Variants in NKAIN2 observed in about 807,000 individuals in gnomAD.
NKAIN2 encodes the protein sodium/potassium-transporting ATPase subunit beta-1-interacting protein 2.
Under a neutral mutation model 32.6 loss-of-function variants are expected in NKAIN2, and 14 were observed. The observed-to-expected ratio is 0.43, with a 90% CI of 0.28 to 0.67. The LOEUF (loss-of-function observed/expected upper bound fraction) is 0.67. NKAIN2 is among the 30% of genes least tolerant of loss of function. The probability of loss-of-function intolerance (pLI) is 0.17; values close to 1 mark genes in which losing one functional copy is unlikely to be tolerated. For missense variants in NKAIN2, 198 were observed against 258.3 expected (o/e 0.77, Z 1.60); for synonymous variants, 80 against 87.2 (o/e 0.92, Z 0.46).
Position 124,006,854 on chromosome 6 carries a change from T to C in NKAIN2, c.54+202600T>C, listed in dbSNP as rs138424792. Among the ~76,000 whole-genome samples the C allele has an allele frequency of 3.9e-3, 599 of 152,288 alleles. 2 individuals are homozygous for C. Among genetic ancestry groups the C allele is most frequent in the African/African-American group, 0.014 (566 of 41,562 alleles). On this transcript the variant is annotated intron_variant, in intron 1 of 6. Transcript: ENST00000368417. Reference sequence around the variant, plus strand: ...ATTATCAGAAGAGTGGTGTGGCCTGTTGAAGTAAACAAAAGTAATTTCATT... The same window carrying C: ...ATTATCAGAAGAGTGGTGTGGCCTGCTGAAGTAAACAAAAGTAATTTCATT...
intron 1 of NKAIN2, among the ~76,000 whole-genome samples, chr6:124,260,368 T>G (rs1794185093): frequency 6.6e-6 from 1 of 152,206 alleles, no homozygotes. Context: ...AAGTTTGGAA[T>G]GTGTGGTCAA....
At chr6:124,600,954 T>C (rs1395722502) in intron 3 of NKAIN2, among the ~76,000 whole-genome samples, 1 of 152,080 alleles carries the variant, frequency 6.6e-6, no homozygotes, top group Non-Finnish European at 1.5e-5. Flanking sequence ...ATGCCATTAC[T>C]ACTGGTGTCT....
chr6:124,645,615 C>G (rs1411093105), intron 3 of NKAIN2, among the ~76,000 whole-genome samples: 1 of 152,114 alleles, frequency 6.6e-6, no homozygotes, highest in Non-Finnish European at 1.5e-5. Context: ...GCCCCATCAT[C>G]TTATGTGAGA....
At chr6:124,395,115 A>G (rs1244752345) in intron 3 of NKAIN2, among the ~76,000 whole-genome samples, 1 of 152,152 alleles carries the variant, frequency 6.6e-6, no homozygotes, top group Non-Finnish European at 1.5e-5. Flanking sequence ...ACAAAATTAA[A>G]CATAAAATAG....
intron 4 of NKAIN2, among the ~76,000 whole-genome samples, chr6:124,763,188 A>G (rs534341069): frequency 6.6e-6 from 1 of 152,348 alleles, no homozygotes; most frequent in African/African-American, 2.4e-5. Flanking sequence ...ACTTTTAGTT[A>G]GACAGAAGGA....
At chr6:123,936,546 A>G (rs572860772) in intron 1 of NKAIN2, among the ~76,000 whole-genome samples, 22 of 152,280 alleles carry the variant, frequency 1.4e-4, no homozygotes, top group Middle Eastern at 3.4e-3. Context: ...CAAAAGTTAT[A>G]TATCTATAAT....
intron 4 of NKAIN2, among the ~76,000 whole-genome samples, chr6:124,789,991 A>T (rs1779671882): frequency 6.6e-6 from 1 of 152,036 alleles, no homozygotes; most frequent in Non-Finnish European, 1.5e-5. Context: ...GGATCTAAAA[A>T]CAAAAGCGTT....
At chr6:123,928,730 A>C (rs1191849302) in intron 1 of NKAIN2, among the ~76,000 whole-genome samples, 1 of 152,194 alleles carries the variant, frequency 6.6e-6, no homozygotes, top group South Asian at 2.1e-4. Context: ...AGTCTACTGT[A>C]TGAATCAGTA....
At chr6:124,234,302 A>C (rs1250934716) in intron 1 of NKAIN2, among the ~76,000 whole-genome samples, 2 of 152,152 alleles carry the variant, frequency 1.3e-5, no homozygotes, top group Non-Finnish European at 2.9e-5. Context: ...TTCCAGGAAA[A>C]TAATCTAATT....
At chr6:124,354,514 G>A (rs1370100949) in intron 2 of NKAIN2, among the ~76,000 whole-genome samples, 1 of 152,116 alleles carries the variant, frequency 6.6e-6, no homozygotes, top group Non-Finnish European at 1.5e-5. Context: ...AAATAAGAAG[G>A]TGAATGGAGA....
chr6:124,360,888 C>T (rs964735017), intron 3 of NKAIN2, among the ~76,000 whole-genome samples: 5 of 152,100 alleles, frequency 3.3e-5, no homozygotes, highest in Non-Finnish European at 5.9e-5. Flanking sequence ...TGTCTGGTAA[C>T]GGTTTGAAAT....
chr6:123,810,078 T>C (rs76327001), intron 1 of NKAIN2, among the ~76,000 whole-genome samples: 10,955 of 152,016 alleles, frequency 0.072, 839 homozygotes, highest in African/African-American at 0.2. Context: ...TGTTTTTTTT[T>C]CCCCCCACTG....
chr6:124,575,105 G>A (rs539151013), intron 3 of NKAIN2, among the ~76,000 whole-genome samples: 1 of 152,242 alleles, frequency 6.6e-6, no homozygotes, highest in South Asian at 2.1e-4. Flanking sequence ...TTTCTGAAAA[G>A]AATCAAGGAA....
intron 1 of NKAIN2, among the ~76,000 whole-genome samples, chr6:124,209,892 C>A (rs1791084562): frequency 6.6e-6 from 1 of 151,884 alleles, no homozygotes. Flanking sequence ...TTCTCCCCTT[C>A]TGTGGGTTGT....
intron 1 of NKAIN2, among the ~76,000 whole-genome samples, chr6:124,272,759 T>A (rs1331921095): frequency 6.6e-6 from 1 of 152,178 alleles, no homozygotes; most frequent in Non-Finnish European, 1.5e-5. Flanking sequence ...CTATGGCAAC[T>A]GTACCCTGTA....
At chr6:124,578,358 C>T (rs1032798275) in intron 3 of NKAIN2, among the ~76,000 whole-genome samples, 5 of 151,782 alleles carry the variant, frequency 3.3e-5, no homozygotes, top group African/African-American at 9.7e-5. Flanking sequence ...AAGGGAGAGT[C>T]TCAGACCTGG....
intron 1 of NKAIN2, among the ~76,000 whole-genome samples, chr6:123,934,471 G>A (rs920444465): frequency 2.6e-5 from 4 of 152,070 alleles, no homozygotes; most frequent in African/African-American, 9.7e-5. Context: ...AGTTTTTATA[G>A]GACTTAGGTT....
At chr6:124,405,056 C>T (rs1302699372) in intron 3 of NKAIN2, among the ~76,000 whole-genome samples, 3 of 152,150 alleles carry the variant, frequency 2.0e-5, no homozygotes, top group Non-Finnish European at 4.4e-5. Flanking sequence ...AAACTATTTG[C>T]TTCTATAGTA....
At chr6:123,824,273 A>T (rs1382819863) in intron 1 of NKAIN2, among the ~76,000 whole-genome samples, 1 of 152,132 alleles carries the variant, frequency 6.6e-6, no homozygotes, top group Non-Finnish European at 1.5e-5. Flanking sequence ...CACCACCCAC[A>T]GGCTTTCACT....
Sources: gnomAD v4.1 joint callset for allele counts (sites outside exome capture counted in the v4.1 genomes callset) on GRCh38, gnomAD v4.1.1 for gene constraint, MANE v1.5 for transcripts, NCBI Gene and HGNC (gene_info 2026-07-23, HGNC 2026-07-21) for gene names.